The following PTPRE variants were observed in gnomAD, a reference collection of about 807,000 sequenced individuals.
PTPRE encodes the protein protein tyrosine phosphatase receptor type E, also known as receptor-type tyrosine-protein phosphatase epsilon.
PTPRE carries 51 observed loss-of-function variants against 102.0 expected under a neutral mutation model. The ratio of observed to expected loss-of-function variants is 0.50; its 90% confidence interval spans 0.40 to 0.63. The LOEUF is 0.63. PTPRE is among the 30% of genes least tolerant of loss of function. The pLI, the probability that PTPRE is intolerant of heterozygous loss-of-function variation, is 0.00. For synonymous variants in PTPRE, 345 were observed against 348.2 expected, an observed-to-expected ratio of 0.99 and a Z score of 0.10; for missense variants, 752 against 915.1, an observed-to-expected ratio of 0.82 and a Z score of 2.30.
chr10:128,048,982 C>G (rs555578065), intron 5 of PTPRE, among the ~76,000 whole-genome samples: 1 of 152,298 alleles, frequency 6.6e-6, no homozygotes, highest in South Asian at 2.1e-4. Flanking sequence ...TCCCTTATAA[C>G]GCGTACTTCT....
At chr10:127,908,973 G>T (rs566993660) in intron 1 of PTPRE, among the ~76,000 whole-genome samples, 15 of 152,250 alleles carry the variant, frequency 9.9e-5, no homozygotes, top group Non-Finnish European at 1.8e-4. Flanking sequence ...GTCGATGAGG[G>T]TGTTATTGTC....
At chr10:127,981,912 G>A (rs936234395) in intron 1 of PTPRE, among the ~76,000 whole-genome samples, 1 of 152,154 alleles carries the variant, frequency 6.6e-6, no homozygotes, top group Admixed American at 6.6e-5. Context: ...CCCCAGACCA[G>A]GTTGTAAAAG....
At position 128,070,773 on chromosome 10, in the gene PTPRE, G is replaced by T; in HGVS notation, c.1294-35G>T. 1 of 1,593,344 alleles carries T rather than the reference G, an allele frequency of 6.3e-7. No individual in the cohort carries two copies. The highest frequency in any genetic ancestry group is 8.6e-7 in the Non-Finnish European group (1 of 1,161,770). ...AGCAATGTGCTCAGGAGTGTCAGAG[G>T]TTTAACTGTGTCATTATATCCTTCT... On this transcript the variant is annotated intron_variant, in intron 14 of 20. Coordinates refer to ENST00000254667, the MANE Select transcript of PTPRE (RefSeq NM_006504.6). The surrounding 1 kb of genome is among the most constrained non-coding windows in gnomAD (Gnocchi z 4.8).
At chr10:128,019,376 C>G (rs537026131) in intron 2 of PTPRE, among the ~76,000 whole-genome samples, 1 of 152,254 alleles carries the variant, frequency 6.6e-6, no homozygotes, top group Non-Finnish European at 1.5e-5. Flanking sequence ...AAGATCTCCA[C>G]GCGATGCTGT....
In PTPRE at chr10:128,082,917, C is replaced by T. The variant is rs1851847098; in HGVS notation, c.*11C>T. Reference sequence around the variant, plus strand: ...GCTAATTTCAAATGAAGATTCCTGCCTTAAAATATTTTTTAATTTAATGGT... The same window carrying T: ...GCTAATTTCAAATGAAGATTCCTGCTTTAAAATATTTTTTAATTTAATGGT... On this transcript the variant is annotated 3_prime_UTR_variant, in exon 21 of 21. Transcript: ENST00000254667. 1 of 1,536,824 alleles carries T rather than the reference C, an allele frequency of 6.5e-7. No individual in the cohort carries two copies. Among genetic ancestry groups the T allele is most frequent in the African/African-American group, 1.4e-5 (1 of 70,706 alleles).
intron 1 of PTPRE, among the ~76,000 whole-genome samples, chr10:127,975,169 G>A (rs920717354): frequency 6.6e-6 from 1 of 152,134 alleles, no homozygotes; most frequent in African/African-American, 2.4e-5. Context: ...GGAAGCAGGG[G>A]GACTGTGCTG....
chr10:128,070,149 C>A lies in PTPRE; in HGVS notation c.1144-152C>A. Reference sequence around the variant, plus strand: ...ACTCAAGGGCATAAATGGTCGTTATCCGTGGCCGGTACTCTGACTCTTGCC... The same window carrying A: ...ACTCAAGGGCATAAATGGTCGTTATACGTGGCCGGTACTCTGACTCTTGCC... On this transcript the variant is annotated intron_variant, in intron 13 of 20. Coordinates refer to ENST00000254667, the MANE Select transcript of PTPRE (RefSeq NM_006504.6). This position sits in a 1 kb window ranked among gnomAD's most constrained non-coding sequence, Gnocchi z 4.8. The A allele has an allele frequency of 1.1e-6, 1 of 904,092 alleles. No individual in the cohort carries two copies. The highest frequency in any genetic ancestry group is 1.7e-6 in the Non-Finnish European group (1 of 604,630). The allele number at this position is 904,092 out of a possible 1,614,324, so 56.0% of individuals were successfully genotyped here. A position where few individuals can be genotyped will look rare whatever the true frequency, so the allele number is the denominator to read the frequency against.
chr10:127,911,585 T>C (rs1845872281), intron 1 of PTPRE, among the ~76,000 whole-genome samples: 1 of 152,216 alleles, frequency 6.6e-6, no homozygotes, highest in Admixed American at 6.5e-5. Context: ...GGGGCTGTCC[T>C]GGGCCATCTC....
intron 7 of PTPRE, among the ~76,000 whole-genome samples, chr10:128,058,778 G>A (rs1849237237): frequency 6.6e-6 from 1 of 152,014 alleles, no homozygotes; most frequent in Non-Finnish European, 1.5e-5. Context: ...GTGGGACTGA[G>A]AGTCACCTGG....
chr10:128,075,711 A>C (rs1343010769), intron 17 of PTPRE, among the ~76,000 whole-genome samples: 2 of 152,248 alleles, frequency 1.3e-5, no homozygotes, highest in African/African-American at 2.4e-5. Flanking sequence ...AATTATTGTT[A>C]ATTGAAAATT....
chr10:127,995,080 G>A (rs1021729218), intron 2 of PTPRE, among the ~76,000 whole-genome samples: 15 of 152,156 alleles, frequency 9.9e-5, no homozygotes, highest in Non-Finnish European at 2.1e-4. Context: ...TCTGACCTCA[G>A]CCCAGTCCCA....
Position 128,052,280 on chromosome 10 carries a change from C to T in PTPRE, c.420+2614C>T, listed in dbSNP as rs556211766. 1.1e-4 allele frequency among the ~76,000 whole-genome samples: 17 copies of T among 152,266 alleles called. No homozygotes were observed. In the East Asian group the frequency reaches 3.3e-3, roughly 29 times the overall value. On this transcript the variant is annotated intron_variant, in intron 6 of 20. Coordinates refer to ENST00000254667, the MANE Select transcript of PTPRE (RefSeq NM_006504.6). ...TCCCCAAAATCATGAAAGGGAGACACCAGAGTCTCAAAGTGGCCGATCCAG... is the reference window on the plus strand; with the variant it reads ...TCCCCAAAATCATGAAAGGGAGACATCAGAGTCTCAAAGTGGCCGATCCAG...
chr10:127,939,154 C>T (rs926058346), intron 1 of PTPRE, among the ~76,000 whole-genome samples: 5 of 152,174 alleles, frequency 3.3e-5, no homozygotes, highest in Admixed American at 6.5e-5. Flanking sequence ...AATCCTTTTC[C>T]AGACGTTTCA....
At chr10:128,067,181 TTCAC>T (rs1850240617) in intron 11 of PTPRE, among the ~76,000 whole-genome samples, 1 of 113,568 alleles carries the variant, frequency 8.8e-6, no homozygotes, top group African/African-American at 3.5e-5. Context: ...CATGCACACA[TTCAC>T]ACATGTGCAC....
At chr10:127,930,744 A>G (rs1375847430) in intron 1 of PTPRE, among the ~76,000 whole-genome samples, 2 of 151,698 alleles carry the variant, frequency 1.3e-5, no homozygotes, top group Non-Finnish European at 2.9e-5. Flanking sequence ...GTTGCTCTGC[A>G]TCTTTGCCAA....
At chr10:127,931,305 TTGTA>T (rs1290200500) in intron 1 of PTPRE, among the ~76,000 whole-genome samples, 15 of 152,384 alleles carry the variant, frequency 9.8e-5, no homozygotes, top group African/African-American at 3.6e-4. Flanking sequence ...ATATATTTTA[TTGTA>T]TGCAATTAAA....
At chr10:127,960,859 A>T (rs1849750676) in intron 1 of PTPRE, among the ~76,000 whole-genome samples, 1 of 152,052 alleles carries the variant, frequency 6.6e-6, no homozygotes, top group South Asian at 2.1e-4. Context: ...CTCTACTAAA[A>T]ATACAAAAAA....
At chr10:127,978,430 C>CG (rs1398514574) in intron 1 of PTPRE, among the ~76,000 whole-genome samples, 1 of 151,950 alleles carries the variant, frequency 6.6e-6, no homozygotes, top group Middle Eastern at 3.2e-3. Context: ...CCCAGCTACT[C>CG]GGGGGGTGGC....
At chr10:127,972,533 G>A (rs1314834166) in intron 1 of PTPRE, among the ~76,000 whole-genome samples, 6 of 152,184 alleles carry the variant, frequency 3.9e-5, no homozygotes, top group Non-Finnish European at 8.8e-5. Flanking sequence ...CCAACCCCAC[G>A]GTGCGAAGAG....
Sources: gnomAD v4.1 joint callset for allele counts (sites outside exome capture counted in the v4.1 genomes callset) on GRCh38, gnomAD v4.1.1 for gene constraint, Gnocchi (gnomAD v3.1) non-coding constraint, MANE v1.5 for transcripts, NCBI Gene and HGNC (gene_info 2026-07-23, HGNC 2026-07-21) for gene names.